ADAMTS12: variants seen among roughly 807,000 people sequenced by gnomAD.
ADAMTS12 encodes ADAM metallopeptidase with thrombospondin type 1 motif 12.
Under a neutral mutation model 167.8 loss-of-function variants are expected in ADAMTS12, and 118 were observed. The observed-to-expected ratio is 0.70, with a 90% CI of 0.61 to 0.82. ADAMTS12 has a LOEUF of 0.82. ADAMTS12 is among the 40% of genes least tolerant of loss of function. The pLI is 0.00. For synonymous variants in ADAMTS12, 704 were observed against 716.9 expected (o/e 0.98, Z 0.29); for missense variants, 1,916 against 1,998.8 (o/e 0.96, Z 0.79).
chr5:33,727,880 C>A lies in ADAMTS12; in HGVS notation c.634+23524G>T, dbSNP rs140669552. Among the ~76,000 whole-genome samples, 108 of 152,268 alleles carry A rather than the reference C, an allele frequency of 7.1e-4. 2 individuals carry two copies. Among genetic ancestry groups the A allele is most frequent in the African/African-American group, 2.6e-3 (107 of 41,544 alleles). ...CTTATTTGTAATTATTTATCTGTTT[C>A]TTTACCAATGTTCCCATGAGGCAGT... On this transcript the variant is annotated intron_variant, in intron 3 of 23. Transcript: ENST00000504830.
chr5:33,622,520 G>C (rs771708699), intron 14 of ADAMTS12, among the ~76,000 whole-genome samples: 1 of 152,104 alleles, frequency 6.6e-6, no homozygotes, highest in Non-Finnish European at 1.5e-5. Flanking sequence ...TGGGTGTGCT[G>C]GCGTGCACCT....
intron 22 of ADAMTS12, among the ~76,000 whole-genome samples, chr5:33,544,789 T>C (rs1175497091): frequency 6.6e-6 from 1 of 152,182 alleles, no homozygotes; most frequent in Non-Finnish European, 1.5e-5. Flanking sequence ...TAAATGGTGC[T>C]GGAAAAACTG....
intron 2 of ADAMTS12, among the ~76,000 whole-genome samples, chr5:33,830,661 G>A (rs554055841): frequency 2.6e-4 from 40 of 152,142 alleles, no homozygotes; most frequent in African/African-American, 8.7e-4. Context: ...GAGTGGTGGC[G>A]CACACCTGTA....
chr5:33,700,683 A>G (rs1388974619), intron 3 of ADAMTS12, among the ~76,000 whole-genome samples: 2 of 152,202 alleles, frequency 1.3e-5, no homozygotes, highest in African/African-American at 4.8e-5. Context: ...ACACACACGT[A>G]CAAGTAAAAT....
At chr5:33,735,249 G>GGTTTTC (rs1744330192) in intron 3 of ADAMTS12, among the ~76,000 whole-genome samples, 1 of 152,104 alleles carries the variant, frequency 6.6e-6, no homozygotes, top group African/African-American at 2.4e-5. Flanking sequence ...CCCACCCTAG[G>GGTTTTC]GTTTTCGATT....
At chr5:33,864,932 T>C (rs987190023) in intron 2 of ADAMTS12, among the ~76,000 whole-genome samples, 3 of 151,980 alleles carry the variant, frequency 2.0e-5, no homozygotes, top group Non-Finnish European at 4.4e-5. Flanking sequence ...GGCCCATGTA[T>C]ACCTATGTAA....
chr5:33,731,836 A>G (rs138344640), intron 3 of ADAMTS12, among the ~76,000 whole-genome samples: 1 of 152,286 alleles, frequency 6.6e-6, no homozygotes, highest in African/African-American at 2.4e-5. Flanking sequence ...GTTATTATGG[A>G]CAAGACTATA....
intron 3 of ADAMTS12, among the ~76,000 whole-genome samples, chr5:33,707,003 G>T (rs1350618996): frequency 6.6e-6 from 1 of 152,100 alleles, no homozygotes; most frequent in Non-Finnish European, 1.5e-5. Flanking sequence ...AGGAAGACAG[G>T]AAGTCAAATT....
chr5:33,575,699 G>A (rs1207984834), intron 19 of ADAMTS12, among the ~76,000 whole-genome samples: 1 of 152,086 alleles, frequency 6.6e-6, no homozygotes, highest in African/African-American at 2.4e-5. Flanking sequence ...TCTTAAGGAT[G>A]GGGACTGCAT....
Position 33,751,533 on chromosome 5 carries a change from G to C in ADAMTS12, c.505C>G (p.Leu169Val). The change falls in exon 3 of 24, where the codon CTA becomes GTA. Residue 169 changes from leucine to valine, a missense_variant. Physicochemically the swap from Leu to Val is conservative, Grantham distance 32. Transcript: ENST00000504830. The part of the protein sequence containing the change: ...ACHGLTGFFQ[L>V]PHGDFFIEPV... ...TCAATGAAAAAGTCTCCATGTGGTAGTTGGAAAAATCCAGTCTGTAAATAC... is the reference window on the plus strand; with the variant it reads ...TCAATGAAAAAGTCTCCATGTGGTACTTGGAAAAATCCAGTCTGTAAATAC... 3.7e-6 allele frequency: 6 copies of C among 1,613,856 alleles called. 1 individual carries two copies. The highest frequency in any genetic ancestry group is 3.3e-5 in the South Asian group (3 of 91,002).
At chr5:33,760,629 C>T (rs1275305617) in intron 2 of ADAMTS12, among the ~76,000 whole-genome samples, 1 of 152,110 alleles carries the variant, frequency 6.6e-6, no homozygotes, top group Non-Finnish European at 1.5e-5. Flanking sequence ...GATAAACCAA[C>T]GAAATCCAGG....
intron 3 of ADAMTS12, among the ~76,000 whole-genome samples, chr5:33,721,944 T>G (rs1395911558): frequency 1.3e-5 from 2 of 152,232 alleles, no homozygotes; most frequent in East Asian, 3.9e-4. Context: ...GCCTGAGAGT[T>G]CTTTATATAA....
chr5:33,749,491 G>A (rs1205212960), intron 3 of ADAMTS12, among the ~76,000 whole-genome samples: 1 of 152,092 alleles, frequency 6.6e-6, no homozygotes, highest in Admixed American at 6.6e-5. Flanking sequence ...ACACTCTGGG[G>A]TACTAAGCAG....
chr5:33,742,784 G>A (rs1010558383), intron 3 of ADAMTS12, among the ~76,000 whole-genome samples: 3 of 150,884 alleles, frequency 2.0e-5, no homozygotes, highest in Non-Finnish European at 4.4e-5. Flanking sequence ...ACATTTACCA[G>A]ATGCTCATGA....
chr5:33,634,810 A>T (rs1285501856), intron 12 of ADAMTS12, among the ~76,000 whole-genome samples: 6 of 152,152 alleles, frequency 3.9e-5, no homozygotes, highest in Non-Finnish European at 8.8e-5. Context: ...ATAATTTTTT[A>T]AAATGAATTA....
At chr5:33,695,190 T>C (rs1406676469) in intron 3 of ADAMTS12, among the ~76,000 whole-genome samples, 2 of 152,212 alleles carry the variant, frequency 1.3e-5, no homozygotes, top group African/African-American at 4.8e-5. Flanking sequence ...CCTCTTGTTT[T>C]CAGTTAAGGT....
chr5:33,742,218 G>A (rs769214547), intron 3 of ADAMTS12, among the ~76,000 whole-genome samples: 60 of 151,996 alleles, frequency 3.9e-4, no homozygotes, highest in Admixed American at 6.6e-4. Flanking sequence ...CCCAAAAAGT[G>A]CCCTAGGGGA....
intron 23 of ADAMTS12, among the ~76,000 whole-genome samples, chr5:33,533,775 C>A (rs531046345): frequency 6.6e-6 from 1 of 152,190 alleles, no homozygotes; most frequent in African/African-American, 2.4e-5. Context: ...CACAGGACAC[C>A]CTTAACTAGA....
At chr5:33,674,023 G>T (rs1359356584) in intron 5 of ADAMTS12, among the ~76,000 whole-genome samples, 1 of 152,152 alleles carries the variant, frequency 6.6e-6, no homozygotes, top group African/African-American at 2.4e-5. Flanking sequence ...TAATCAAATT[G>T]TATGCCTGCT....
Sources: gnomAD v4.1 joint callset for allele counts (sites outside exome capture counted in the v4.1 genomes callset) on GRCh38, gnomAD v4.1.1 for gene constraint, MANE v1.5 for transcripts, NCBI Gene and HGNC (gene_info 2026-07-23, HGNC 2026-07-21) for gene names.